MAPK10: variants seen among roughly 807,000 people sequenced by gnomAD.
The protein encoded by MAPK10 is JNK3 alpha protein kinase.
In MAPK10, 25 loss-of-function variants were observed where a neutral mutation model predicts 59.3. The observed-to-expected ratio is 0.42, with a 90% CI of 0.31 to 0.59. The LOEUF (loss-of-function observed/expected upper bound fraction) is 0.59, where lower values mean the gene tolerates loss of function less well. MAPK10 is among the 20% of genes least tolerant of loss of function. MAPK10 has a pLI of 0.15. For missense variants in MAPK10, 351 were observed against 568.9 expected, an observed-to-expected ratio of 0.62 and a Z score of 3.90; for synonymous variants, 190 against 200.5, an observed-to-expected ratio of 0.95 and a Z score of 0.44.
chr4:86,328,114 T>C (rs1213157848), intron 2 of MAPK10, among the ~76,000 whole-genome samples: 1 of 152,038 alleles, frequency 6.6e-6, no homozygotes, highest in Non-Finnish European at 1.5e-5. Context: ...ATGAAGGAGA[T>C]TAAAGCCCTT....
chr4:86,230,377 A>C (rs2091367002), intron 2 of MAPK10, among the ~76,000 whole-genome samples: 1 of 152,228 alleles, frequency 6.6e-6, no homozygotes, highest in Non-Finnish European at 1.5e-5. Flanking sequence ...AAGGTTTGGC[A>C]TACGCCTTGC....
In MAPK10 at chr4:86,359,868, A is replaced by G; in HGVS notation, c.-332T>C. ...CCCTAGGAATTGAGGGGTGAGGACA[A>G]AAAAGGAAATTTGTAAAAATGAAAA... On this transcript the variant is annotated 5_prime_UTR_variant, in exon 1 of 14. Coordinates refer to ENST00000641462, the MANE Select transcript of MAPK10 (RefSeq NM_138982.4). The G allele has an allele frequency of 1.0e-6, 1 of 985,746 alleles. No individual in the cohort carries two copies. The highest frequency in any genetic ancestry group is 1.2e-6 in the Non-Finnish European group (1 of 829,912). The allele number at this position is 985,746 out of a possible 1,614,324, so 61.1% of individuals were successfully genotyped here.
chr4:86,099,467 T>C (rs2054905081), intron 8 of MAPK10: 1 of 152,288 alleles, frequency 6.6e-6, no homozygotes, highest in Admixed American at 6.5e-5. Flanking sequence ...TTTGGCCGAA[T>C]TGTTCCATGG....
At chr4:86,475,393 ACTCTCTTCTCCAACCT>A (rs1753000253) in intron 1 of MAPK10, among the ~76,000 whole-genome samples, 1 of 151,604 alleles carries the variant, frequency 6.6e-6, no homozygotes, top group Admixed American at 6.6e-5. Flanking sequence ...GCTTCTTTTT[ACTCTCTTCTCCAACCT>A]CTCTCACTAT....
At chr4:86,234,198 A>T (rs2091956691) in intron 2 of MAPK10, among the ~76,000 whole-genome samples, 1 of 152,180 alleles carries the variant, frequency 6.6e-6, no homozygotes, top group South Asian at 2.1e-4. Context: ...ACAACAAAAA[A>T]ATCTCCATTT....
At chr4:86,345,695 C>T (rs910314030) in intron 2 of MAPK10, among the ~76,000 whole-genome samples, 3 of 152,182 alleles carry the variant, frequency 2.0e-5, no homozygotes, top group African/African-American at 7.2e-5. Context: ...AAACACTCTG[C>T]TCTAGACCAT....
At chr4:86,100,784 C>T (rs564409747) in intron 8 of MAPK10, 10 of 325,564 alleles carry the variant, frequency 3.1e-5, no homozygotes, top group South Asian at 2.6e-4. Context: ...AATCAGCATC[C>T]GCTTGACTGT....
In MAPK10 at chr4:86,056,979, T is replaced by A. The variant is rs992890169; in HGVS notation, c.1110+7287A>T. Among the ~76,000 whole-genome samples the A allele has an allele frequency of 4.0e-4, 60 of 148,668 alleles. 2 individuals carry two copies. The highest frequency in any genetic ancestry group is 6.7e-4 in the Non-Finnish European group (45 of 67,308). ...TTATTTTATTTTATTTTATTTATTT[T>A]TTTTAAGACGGTCTCACTCTGTCTC... On this transcript the variant is annotated intron_variant, in intron 11 of 13. Transcript: ENST00000641462.
chr4:86,577,586 T>C (rs1761994918), intron 1 of MAPK10, among the ~76,000 whole-genome samples: 1 of 152,102 alleles, frequency 6.6e-6, no homozygotes, highest in African/African-American at 2.4e-5. Flanking sequence ...TGAGAGGAGA[T>C]TTATGTTTCT....
intron 11 of MAPK10, among the ~76,000 whole-genome samples, chr4:86,061,849 T>G (rs1036945647): frequency 6.6e-6 from 1 of 152,148 alleles, no homozygotes; most frequent in African/African-American, 2.4e-5. Flanking sequence ...ATACTTCCAT[T>G]TATTTGGATT....
chr4:86,364,862 C>A (rs916429569), upstream of MAPK10, among the ~76,000 whole-genome samples: 2 of 152,040 alleles, frequency 1.3e-5, no homozygotes, highest in Non-Finnish European at 2.9e-5. Context: ...TGCTTATAAT[C>A]CCAGCTAATT....
chr4:86,512,473 A>C (rs762902357), intron 1 of MAPK10, among the ~76,000 whole-genome samples: 10 of 152,216 alleles, frequency 6.6e-5, no homozygotes, highest in Non-Finnish European at 1.2e-4. Flanking sequence ...CAAAAACCTT[A>C]AGATGGTAGG....
At chr4:86,082,913 C>G (rs2050956157) in intron 9 of MAPK10, among the ~76,000 whole-genome samples, 2 of 152,110 alleles carry the variant, frequency 1.3e-5, no homozygotes, top group African/African-American at 2.4e-5. Context: ...CTAAGGGGTG[C>G]AGTCCATCTA....
intron 2 of MAPK10, among the ~76,000 whole-genome samples, chr4:86,292,194 AAAGTT>A (rs147443873): frequency 6.6e-6 from 1 of 152,342 alleles, no homozygotes; most frequent in African/African-American, 2.4e-5. Context: ...TTTCCTATAA[AAAGTT>A]AAGAGGAACA....
chr4:86,563,818 C>T (rs899608554), intron 1 of MAPK10, among the ~76,000 whole-genome samples: 18 of 152,080 alleles, frequency 1.2e-4, no homozygotes, highest in African/African-American at 4.3e-4. Flanking sequence ...ACTAAGAATG[C>T]ACAGTTTAAA....
chr4:86,304,035 T>C (rs1253698143), intron 2 of MAPK10, among the ~76,000 whole-genome samples: 1 of 152,314 alleles, frequency 6.6e-6, no homozygotes, highest in African/African-American at 2.4e-5. Flanking sequence ...GAACGGTTTA[T>C]TCTGGCAGAA....
chr4:86,280,087 C>G (rs1391463406), intron 2 of MAPK10, among the ~76,000 whole-genome samples: 2 of 152,060 alleles, frequency 1.3e-5, no homozygotes. Context: ...AAAAGCATTG[C>G]AACAAAAACA....
intron 1 of MAPK10, among the ~76,000 whole-genome samples, chr4:86,543,206 G>T (rs1758867088): frequency 6.6e-6 from 1 of 152,136 alleles, no homozygotes; most frequent in Non-Finnish European, 1.5e-5. Flanking sequence ...GCATTGAGAA[G>T]AGTACACCAG....
chr4:86,190,586 G>C (rs1441001652), intron 3 of MAPK10, among the ~76,000 whole-genome samples: 1 of 152,080 alleles, frequency 6.6e-6, no homozygotes, highest in Non-Finnish European at 1.5e-5. Flanking sequence ...GGGATCAGTG[G>C]TGATATCCCC....
Sources: allele counts gnomAD v4.1 joint callset (sites outside exome capture counted in the v4.1 genomes callset), GRCh38; gene constraint gnomAD v4.1.1; transcripts MANE v1.5; gene names NCBI Gene and HGNC (gene_info 2026-07-23, HGNC 2026-07-21).